The following ROBO2 variants were observed in gnomAD, a reference collection of about 807,000 sequenced individuals.
ROBO2 encodes roundabout guidance receptor 2.
ROBO2 carries 53 observed loss-of-function variants against 160.8 expected under a neutral mutation model. The ratio of observed to expected loss-of-function variants is 0.33; its 90% CI spans 0.26 to 0.41. The LOEUF is 0.41. Among genes scored for constraint, ROBO2 ranks in the 10% least tolerant of loss-of-function variants. ROBO2 has a pLI of 1.00. For missense variants in ROBO2, 1,577 were observed against 1,722.4 expected (o/e 0.92, Z 1.49); for synonymous variants, 664 against 611.7 (o/e 1.09, Z -1.26).
intron 2 of ROBO2, among the ~76,000 whole-genome samples, chr3:76,709,858 G>A (rs1576149406): frequency 6.6e-6 from 1 of 152,170 alleles, no homozygotes; most frequent in African/African-American, 2.4e-5. Context: ...AGGCCACACT[G>A]TCTATTGCAA....
intron 2 of ROBO2, among the ~76,000 whole-genome samples, chr3:76,159,190 G>C (rs1010428272): frequency 6.6e-6 from 1 of 152,132 alleles, no homozygotes; most frequent in Non-Finnish European, 1.5e-5. Context: ...TTGTGAAAGA[G>C]ACAGTCATAA....
At chr3:77,504,353 A>T (rs1165500674) in intron 5 of ROBO2, among the ~76,000 whole-genome samples, 1 of 152,138 alleles carries the variant, frequency 6.6e-6, no homozygotes, top group East Asian at 1.9e-4. Flanking sequence ...CAGTTGTTAT[A>T]AAAATATGTC....
intron 2 of ROBO2, among the ~76,000 whole-genome samples, chr3:76,093,529 A>G (rs2069319381): frequency 6.7e-6 from 1 of 148,640 alleles, no homozygotes; most frequent in South Asian, 2.1e-4. Flanking sequence ...TAGGCACAAT[A>G]TATTCTCATA....
intron 2 of ROBO2, among the ~76,000 whole-genome samples, chr3:77,123,772 G>T (rs2075018266): frequency 7.3e-6 from 1 of 137,536 alleles, no homozygotes; most frequent in South Asian, 2.5e-4. Context: ...TATCTATATA[G>T]ATGCATATGT....
chr3:77,330,191 T>C (rs2065839555), intron 2 of ROBO2, among the ~76,000 whole-genome samples: 1 of 152,204 alleles, frequency 6.6e-6, no homozygotes, highest in South Asian at 2.1e-4. Flanking sequence ...TGCTTTATGA[T>C]TAATAATCTT....
intron 2 of ROBO2, among the ~76,000 whole-genome samples, chr3:77,454,379 A>G (rs2081409361): frequency 6.6e-6 from 1 of 152,136 alleles, no homozygotes; most frequent in Non-Finnish European, 1.5e-5. Flanking sequence ...TGTCGTAGTC[A>G]TATAGGTCAT....
At chr3:75,929,649 T>G (rs1191331115) in intron 1 of ROBO2, among the ~76,000 whole-genome samples, 1 of 152,068 alleles carries the variant, frequency 6.6e-6, no homozygotes, top group African/African-American at 2.4e-5. Flanking sequence ...ATATCAGCCA[T>G]GCCCCTTTGG....
At chr3:76,835,629 T>C (rs539100835) in intron 2 of ROBO2, among the ~76,000 whole-genome samples, 1 of 151,772 alleles carries the variant, frequency 6.6e-6, no homozygotes, top group African/African-American at 2.4e-5. Flanking sequence ...AGGTACCAAA[T>C]AATTTGCATT....
intron 6 of ROBO2, among the ~76,000 whole-genome samples, chr3:77,544,582 G>A (rs918426357): frequency 1.3e-5 from 2 of 152,046 alleles, no homozygotes; most frequent in African/African-American, 2.4e-5. Flanking sequence ...TTCTACGCTA[G>A]GATTCTTGTA....
intron 2 of ROBO2, among the ~76,000 whole-genome samples, chr3:76,251,015 G>A (rs1705959963): frequency 6.6e-6 from 1 of 151,942 alleles, no homozygotes; most frequent in African/African-American, 2.4e-5. Flanking sequence ...CTGCAGCCTT[G>A]GCCTTTCATA....
intron 2 of ROBO2, among the ~76,000 whole-genome samples, chr3:76,812,416 G>A (rs185531414): frequency 1.3e-5 from 2 of 148,746 alleles, no homozygotes; most frequent in Admixed American, 1.3e-4. Context: ...TTTGAGCATC[G>A]CAGCCCTTAG....
chr3:77,327,488 A>G (rs2065522893), intron 2 of ROBO2, among the ~76,000 whole-genome samples: 1 of 152,152 alleles, frequency 6.6e-6, no homozygotes, highest in South Asian at 2.1e-4. Flanking sequence ...TCCATTTTAC[A>G]ATTTAAGACC....
At chr3:76,652,000 C>T (rs1247478874) in intron 2 of ROBO2, among the ~76,000 whole-genome samples, 2 of 152,136 alleles carry the variant, frequency 1.3e-5, no homozygotes, top group Non-Finnish European at 2.9e-5. Context: ...GAGGATGTCG[C>T]TCCCTGCAGG....
chr3:76,446,665 G>A (rs185626863), intron 2 of ROBO2, among the ~76,000 whole-genome samples: 2,412 of 152,142 alleles, frequency 0.016, 54 homozygotes, highest in African/African-American at 0.047. Flanking sequence ...AGTAACCAAA[G>A]CAGCATGGTA....
At position 76,403,938 on chromosome 3, in the gene ROBO2, T is replaced by C. The variant is rs78829988; in HGVS notation, c.109+466336T>C. 3.3e-3 allele frequency among the ~76,000 whole-genome samples: 505 copies of C among 151,802 alleles called. 6 individuals carry two copies. The highest frequency in any genetic ancestry group is 0.024 in the Admixed American group (367 of 15,186). ...ATGATTTATGAGAGATAGTCTAAGATGATAAGATATCTGGACTATGAGTTA... is the reference window on the plus strand; with the variant it reads ...ATGATTTATGAGAGATAGTCTAAGACGATAAGATATCTGGACTATGAGTTA... On this transcript the variant is annotated intron_variant, in intron 2 of 26. Transcript: ENST00000487694.
intron 2 of ROBO2, among the ~76,000 whole-genome samples, chr3:76,012,786 A>G (rs368194618): frequency 2.6e-5 from 4 of 152,278 alleles, no homozygotes; most frequent in East Asian, 1.9e-4. Context: ...TATAAAGGCA[A>G]TTGGTGACTG....
rs902686555 is a variant in ROBO2, at chr3:76,507,299, GTTTA to G, written c.109+569703_109+569706del. Among the ~76,000 whole-genome samples, 7 of 151,972 alleles carry G rather than the reference GTTTA, an allele frequency of 4.6e-5. No individual in the cohort carries two copies. The East Asian group carries it at 9.7e-4, about 21-fold the overall frequency. Reference sequence around the variant, plus strand: ...AATACAAATAACACAATGAATATGAGTTTATTTATGAAATTTGATTAGGTTTTAT... The same window carrying G: ...AATACAAATAACACAATGAATATGAGTTTATGAAATTTGATTAGGTTTTAT... On this transcript the variant is annotated intron_variant, in intron 2 of 26. Coordinates refer to the ROBO2 transcript ENST00000487694.
At chr3:77,464,407 C>A (rs1485644501) in intron 2 of ROBO2, among the ~76,000 whole-genome samples, 1 of 151,934 alleles carries the variant, frequency 6.6e-6, no homozygotes, top group Admixed American at 6.6e-5. Flanking sequence ...TGTGTTTAGG[C>A]CCTAAAAAAA....
In ROBO2 at chr3:77,289,257, G is replaced by A. The variant is rs2060864414; in HGVS notation, c.389-188157G>A. The stretch of plus-strand genomic sequence containing the variant: ...ATTGTAAATTGAGGTAAGTTCCTTT[G>A]GAAGTGACAATTGAGAAAGACATAA... On this transcript the variant is annotated intron_variant, in intron 2 of 25. Coordinates refer to ENST00000461745, the Ensembl canonical transcript of ROBO2. Among the ~76,000 whole-genome samples the A allele has an allele frequency of 3.9e-5, 6 of 152,228 alleles. No homozygotes were observed. In the South Asian group the frequency reaches 1.2e-3, roughly 32 times the overall value.
Sources: gnomAD v4.1 joint callset for allele counts (sites outside exome capture counted in the v4.1 genomes callset) on GRCh38, gnomAD v4.1.1 for gene constraint, MANE v1.5 for transcripts, NCBI Gene and HGNC (gene_info 2026-07-23, HGNC 2026-07-21) for gene names.